AP2A1: variants seen among roughly 807,000 people sequenced by gnomAD.
The protein encoded by AP2A1 is adaptor related protein complex 2 subunit alpha 1.
Under a neutral mutation model 107.3 loss-of-function variants are expected in AP2A1, and 21 were observed. The observed-to-expected ratio is 0.20, with a 90% confidence interval of 0.14 to 0.28. The LOEUF (loss-of-function observed/expected upper bound fraction) is 0.28. Ranked by LOEUF, AP2A1 falls within the 10% of genes least tolerant of loss-of-function variation. The pLI is 1.00. For missense variants in AP2A1, 873 were observed against 1,307.7 expected (o/e 0.67, Z 5.13); for synonymous variants, 602 against 564.8 (o/e 1.07, Z -0.93).
At chr19:49,772,102 G>A (rs1212710043) in intron 1 of AP2A1, among the ~76,000 whole-genome samples, 2 of 152,008 alleles carry the variant, frequency 1.3e-5, no homozygotes, top group East Asian at 1.9e-4. Context: ...CTGTCATCCC[G>A]GCTGGAGTAC....
chr19:49,783,220 C>T (rs765106979), intron 4 of AP2A1, among the ~76,000 whole-genome samples: 2 of 152,078 alleles, frequency 1.3e-5, no homozygotes, highest in African/African-American at 2.4e-5. Context: ...TTGCCAGGTG[C>T]GATGGCTCAT....
chr19:49,773,330 G>A (rs1269407683), intron 1 of AP2A1, among the ~76,000 whole-genome samples: 3 of 152,168 alleles, frequency 2.0e-5, no homozygotes, highest in African/African-American at 4.8e-5. Context: ...AATGGGAGCG[G>A]GGTGCTGGCT....
rs756706797 is a variant in AP2A1 at position 49,800,099 on chromosome 19, C to A, written c.1404C>A (p.Ile468=). The change falls in exon 11 of 23, where the codon ATC becomes ATA. Residue 468 remains isoleucine, a synonymous_variant. Transcript: ENST00000354293. ...SEEVWYRVLQ[I]VTNRDDVQGY... Reference sequence around the variant, plus strand: ...AGGTGTGGTACCGTGTGCTACAGATCGTCACCAACCGTGATGACGTCCAGG... The same window carrying A: ...AGGTGTGGTACCGTGTGCTACAGATAGTCACCAACCGTGATGACGTCCAGG... 5.8e-5 allele frequency: 94 copies of A among 1,613,768 alleles called. No homozygotes were observed. Among genetic ancestry groups the A allele is most frequent in the South Asian group, 3.3e-4 (30 of 91,074 alleles).
At chr19:49,779,203 G>A (rs2084647316) in intron 1 of AP2A1, among the ~76,000 whole-genome samples, 1 of 151,854 alleles carries the variant, frequency 6.6e-6, no homozygotes, top group Non-Finnish European at 1.5e-5. Flanking sequence ...AGGGGTGGGT[G>A]GCAGGCGCCT....
At chr19:49,780,910 C>T (rs112331925) in intron 1 of AP2A1, among the ~76,000 whole-genome samples, 4,244 of 152,016 alleles carry the variant, frequency 0.028, 108 homozygotes, top group Middle Eastern at 0.054. Context: ...GCCCGATTGG[C>T]GTGAGGATGT....
chr19:49,771,974 A>G (rs2084563288), intron 1 of AP2A1, among the ~76,000 whole-genome samples: 1 of 152,134 alleles, frequency 6.6e-6, no homozygotes, highest in South Asian at 2.1e-4. Flanking sequence ...ATCTCTATCT[A>G]GTCCCAGCTA....
intron 7 of AP2A1, 66 bp downstream of exon 7, chr19:49,795,804 C>T: frequency 8.4e-7 from 1 of 1,192,090 alleles, no homozygotes; most frequent in East Asian, 2.5e-5. Flanking sequence ...GCCTCCTGCT[C>T]CACGGCGCAC....
At position 49,788,807 on chromosome 19, in the gene AP2A1, G is replaced by A. The variant is rs1026317904; in HGVS notation, c.474-3128G>A. ...TGCCGTCACAAATGGAGCATCGTCT[G>A]TGGCCAGGCTTCTTGCTGGTTTCTG... is the stretch of plus-strand genomic sequence containing the variant. On this transcript the variant is annotated intron_variant, in intron 4 of 22. Coordinates refer to ENST00000354293, the MANE Select transcript of AP2A1 (RefSeq NM_130787.3). This position sits in a 1 kb window ranked among gnomAD's most constrained non-coding sequence, Gnocchi z 4.5. Among the ~76,000 whole-genome samples, 8 of 152,358 alleles carry A rather than the reference G, an allele frequency of 5.3e-5. No homozygotes were observed. The highest frequency in any genetic ancestry group is 1.7e-4 in the African/African-American group (7 of 41,586).
Position 49,806,189 on chromosome 19 carries a change from T to C in AP2A1, c.2726T>C (p.Ile909Thr). ...PNPENFVGAG[I>T]IQTKALQVGC... ...CCTGAGAACTTCGTGGGGGCGGGGA[T>C]CATCCAGACTAAAGCCCTGCAGGTG... Residue 909 changes from isoleucine (I) to threonine (T), a missense_variant, in exon 22 of 23, where the codon ATC becomes ACC. Coordinates refer to ENST00000354293, the MANE Select transcript of AP2A1 (RefSeq NM_130787.3). The C allele has an allele frequency of 6.3e-7, 1 of 1,599,008 alleles. No individual in the cohort carries two copies. Among genetic ancestry groups the C allele is most frequent in the Non-Finnish European group, 8.5e-7 (1 of 1,173,244 alleles).
At chr19:49,797,119 C>T (rs2073223407) in intron 7 of AP2A1, 3 of 152,256 alleles carry the variant, frequency 2.0e-5, no homozygotes, top group African/African-American at 7.2e-5. Flanking sequence ...GGGGTACACC[C>T]ATTGCAGGCA....
At position 49,801,618 on chromosome 19, in the gene AP2A1, C is replaced by T; in HGVS notation, c.1782C>T (p.Val594=). 1.2e-5 allele frequency: 20 copies of T among 1,609,960 alleles called. No homozygotes were observed. Among genetic ancestry groups the T allele is most frequent in the Non-Finnish European group, 1.7e-5 (20 of 1,178,336 alleles). The change falls in exon 13 of 23, where the codon GTC becomes GTT. Residue 594 remains valine (V), a synonymous_variant. Transcript: ENST00000354293. The part of the protein sequence containing the change: ...LTLSSVASTD[V]LATVLEEMPP... ...TCAGCTCAGTGGCCAGCACCGACGT[C>T]CTGGTCAGAGCCCTGTCCCCCCACC... is the stretch of plus-strand genomic sequence containing the variant.
At chr19:49,790,936 T>G (rs2073133880) in intron 4 of AP2A1, among the ~76,000 whole-genome samples, 1 of 152,222 alleles carries the variant, frequency 6.6e-6, no homozygotes, top group Non-Finnish European at 1.5e-5. Context: ...ACGCTGATTC[T>G]CTGCTCACCA....
intron 16 of AP2A1, 33 bp from the exon 17 acceptor site, chr19:49,803,074 A>AC (rs761294082): frequency 6.2e-7 from 1 of 1,613,382 alleles, no homozygotes; most frequent in Non-Finnish European, 8.5e-7. Flanking sequence ...GCAGACAGGC[A>AC]CCCCCGTCAT....
At chr19:49,784,989 CT>C (rs2084720406) in intron 4 of AP2A1, among the ~76,000 whole-genome samples, 1 of 152,130 alleles carries the variant, frequency 6.6e-6, no homozygotes, top group Non-Finnish European at 1.5e-5. Context: ...GGCAGTAGAA[CT>C]GAAGAAAGAC....
Position 49,798,944 on chromosome 19 carries a change from C to G in AP2A1, c.957C>G (p.His319Gln), listed in dbSNP as rs2073243612. ...TCGAGACCATCAGCCTCATCATCCA[C>G]TATGACAGGTGCCCGCCTGGGCCTA... ...ILFETISLII[H>Q]YDSEPNLLVR... Residue 319 changes from histidine (H) to glutamine (Q), a missense_variant, in exon 8 of 23, where the codon CAC becomes CAG. His to Gln is a conservative substitution (Grantham distance 24). Transcript: ENST00000354293. The G allele has an allele frequency of 1.9e-6, 3 of 1,552,494 alleles. No individual in the cohort carries two copies. The highest frequency in any genetic ancestry group is 3.3e-4 in the Middle Eastern group (2 of 5,994).
intron 1 of AP2A1, among the ~76,000 whole-genome samples, chr19:49,778,156 A>G (rs2084636264): frequency 6.6e-6 from 1 of 152,166 alleles, no homozygotes; most frequent in Non-Finnish European, 1.5e-5. Context: ...CGATGGGGAT[A>G]TGTTCTGAGA....
Position 49,801,832 on chromosome 19 carries a change from G to T in AP2A1, c.1896G>T (p.Arg632=), listed in dbSNP as rs2073284266. The T allele has an allele frequency of 6.6e-7, 1 of 1,522,942 alleles. No homozygotes were observed. The allele number at this position is 1,522,942 out of a possible 1,614,324, so 94.3% of individuals were successfully genotyped here. ...CCGGCAGCGCCCTGGACGATGGCCG[G>T]AGGGACCCCAGCAGCAACGACATCA... ...PGAGSALDDG[R]RDPSSNDING... is the part of the protein sequence containing the mutation. The change falls in exon 14 of 23, where the codon CGG becomes CGT. Residue 632 remains arginine, a synonymous_variant. Transcript: ENST00000354293.
rs1035613048 is a variant in AP2A1 at position 49,782,449 on chromosome 19, C to T, written c.280-82C>T. The stretch of plus-strand genomic sequence containing the variant: ...CCTGGGTCTGAGGTTGAATCTGGGG[C>T]CTGGACTCCTGGGTCTGAGGGTTGG... On this transcript the variant is annotated intron_variant, in intron 3 of 22. Transcript: ENST00000354293. 4 of 1,432,534 alleles carry T rather than the reference C, an allele frequency of 2.8e-6. No homozygotes were observed. In the Admixed American group the frequency reaches 6.6e-5, roughly 24 times the overall value. The allele number at this position is 1,432,534 out of a possible 1,614,324, so 88.7% of individuals were successfully genotyped here.
chr19:49,791,822 G>A, intron 4 of AP2A1, 113 bp from the exon 5 acceptor site: 1 of 1,391,884 alleles, frequency 7.2e-7, no homozygotes, highest in Non-Finnish European at 9.7e-7. Context: ...CTGGCTGTCT[G>A]TCCCTCTCGC....
Sources: gnomAD v4.1 joint callset for allele counts (sites outside exome capture counted in the v4.1 genomes callset) on GRCh38, gnomAD v4.1.1 for gene constraint, Gnocchi (gnomAD v3.1) non-coding constraint, MANE v1.5 for transcripts, NCBI Gene and HGNC (gene_info 2026-07-23, HGNC 2026-07-21) for gene names.